The following ICA1L variants were observed in gnomAD, a reference collection of about 807,000 sequenced individuals.
ICA1L encodes islet cell autoantigen 1 like, also known as islet cell autoantigen 1-like protein.
ICA1L carries 50 observed loss-of-function variants against 61.3 expected under a neutral mutation model. The ratio of observed to expected loss-of-function variants is 0.82; its 90% CI spans 0.65 to 1.03. The LOEUF (loss-of-function observed/expected upper bound fraction) is 1.03. Ranked by LOEUF, ICA1L falls within the 50% of genes least tolerant of loss-of-function variation. The pLI is 0.00. For synonymous variants in ICA1L, 161 were observed against 191.3 expected, an observed-to-expected ratio of 0.84 and a Z score of 1.31; for missense variants, 508 against 556.7, an observed-to-expected ratio of 0.91 and a Z score of 0.88.
chr2:202,802,606 A>G (rs1559132416), intron 9 of ICA1L, among the ~76,000 whole-genome samples: 1 of 152,164 alleles, frequency 6.6e-6, no homozygotes, highest in Non-Finnish European at 1.5e-5. Flanking sequence ...GGCCAGATAC[A>G]GAAATTGAAT....
intron 5 of ICA1L, among the ~76,000 whole-genome samples, chr2:202,817,898 G>A (rs963612899): frequency 3.9e-5 from 6 of 152,148 alleles, no homozygotes; most frequent in South Asian, 4.1e-4. Context: ...AGGGGACCTC[G>A]TTAAAGCACT....
chr2:202,827,408 A>G (rs1385318270), intron 2 of ICA1L, among the ~76,000 whole-genome samples: 2 of 152,112 alleles, frequency 1.3e-5, no homozygotes, highest in Admixed American at 6.6e-5. Context: ...AAAAAAATAC[A>G]GAAAAGATAG....
intron 1 of ICA1L, among the ~76,000 whole-genome samples, chr2:202,867,000 AATG>A: frequency 6.6e-6 from 1 of 152,326 alleles, no homozygotes; most frequent in South Asian, 2.1e-4. Context: ...TGGGGCAGAC[AATG>A]ATTTCTTAGA....
chr2:202,786,192 G>A (rs1174723502), intron 11 of ICA1L, among the ~76,000 whole-genome samples, 185 bp from the exon 12 acceptor site: 2 of 152,224 alleles, frequency 1.3e-5, no homozygotes, highest in Non-Finnish European at 2.9e-5. Flanking sequence ...TTCAGATAGA[G>A]TTGGATCCGA....
Position 202,811,501 on chromosome 2 carries a change from T to C in ICA1L, c.910+245A>G, listed in dbSNP as rs561913074. On this transcript the variant is annotated intron_variant, in intron 9 of 12. Transcript: ENST00000358299. ...AGTGAAACCCTGTCTCTACTAAAAATACAAAAAAAAATTAGCTGGGCATGG... is the reference window on the plus strand; with the variant it reads ...AGTGAAACCCTGTCTCTACTAAAAACACAAAAAAAAATTAGCTGGGCATGG... 7.3e-5 allele frequency among the ~76,000 whole-genome samples: 11 copies of C among 150,560 alleles called. No homozygotes were observed. In the South Asian group the frequency reaches 2.1e-3, roughly 29 times the overall value.
At chr2:202,838,959 CTT>C (rs1694233579) in intron 1 of ICA1L, among the ~76,000 whole-genome samples, 1 of 152,250 alleles carries the variant, frequency 6.6e-6, no homozygotes, top group South Asian at 2.1e-4. Context: ...TGAGGACTCA[CTT>C]ATCACCATGG....
intron 3 of ICA1L, among the ~76,000 whole-genome samples, chr2:202,823,412 G>C (rs1045232228): frequency 6.6e-6 from 1 of 152,066 alleles, no homozygotes; most frequent in Non-Finnish European, 1.5e-5. Context: ...TCCTTATTCT[G>C]AAATGCTCCA....
At chr2:202,829,770 T>G (rs1296159640) in intron 1 of ICA1L, among the ~76,000 whole-genome samples, 1 of 152,188 alleles carries the variant, frequency 6.6e-6, no homozygotes, top group African/African-American at 2.4e-5. Flanking sequence ...TGCAGTTATG[T>G]CTAGAAAAAA....
At chr2:202,786,817 G>T in intron 11 of ICA1L, 5 of 436,778 alleles carry the variant, frequency 1.1e-5, no homozygotes, top group South Asian at 8.3e-5. Context: ...AAGGAATCAG[G>T]TAGATTATGT....
intron 12 of ICA1L, among the ~76,000 whole-genome samples, chr2:202,783,865 C>T (rs1692491156): frequency 6.7e-6 from 1 of 148,554 alleles, no homozygotes; most frequent in South Asian, 2.1e-4. Flanking sequence ...GCTACTTAAA[C>T]TATTTATTTC....
At chr2:202,844,418 A>C (rs1193915576) in intron 1 of ICA1L, 1 of 152,154 alleles carries the variant, frequency 6.6e-6, no homozygotes, top group Non-Finnish European at 1.5e-5. Context: ...AAAAAATAAA[A>C]AATAAACAAA....
At chr2:202,795,280 C>T (rs1445076824) in intron 10 of ICA1L, among the ~76,000 whole-genome samples, 1 of 151,196 alleles carries the variant, frequency 6.6e-6, no homozygotes, top group Non-Finnish European at 1.5e-5. Context: ...CGTGAGCCAC[C>T]GCGCCCGGCC....
intron 1 of ICA1L, among the ~76,000 whole-genome samples, chr2:202,843,147 C>T (rs1694375425): frequency 6.6e-6 from 1 of 152,106 alleles, no homozygotes; most frequent in African/African-American, 2.4e-5. Context: ...TCTTTGGGGT[C>T]AGCTACTGGG....
intron 11 of ICA1L, among the ~76,000 whole-genome samples, chr2:202,788,343 C>T (rs1010624249): frequency 1.4e-4 from 22 of 152,086 alleles, no homozygotes. Flanking sequence ...ACAGAACTGA[C>T]AGGATTTGGT....
chr2:202,800,672 A>G (rs1303245431), intron 9 of ICA1L, among the ~76,000 whole-genome samples: 11 of 152,228 alleles, frequency 7.2e-5, no homozygotes, highest in Admixed American at 7.2e-4. Flanking sequence ...TCTCCTACAT[A>G]CAAGGGTGGA....
intron 12 of ICA1L, among the ~76,000 whole-genome samples, 177 bp from the exon 13 acceptor site, chr2:202,779,825 G>A (rs957827009): frequency 3.5e-5 from 5 of 143,570 alleles, no homozygotes; most frequent in African/African-American, 1.3e-4. Flanking sequence ...TTTGTTTTCG[G>A]TAGAGACTGG....
intron 1 of ICA1L, chr2:202,841,866 T>G (rs1262217486): frequency 3.7e-6 from 1 of 271,956 alleles, no homozygotes; most frequent in Non-Finnish European, 7.2e-6. Context: ...GTCTATTTTT[T>G]TTTTTTTTTT....
At chr2:202,818,212 G>A (rs1219074019) in intron 5 of ICA1L, among the ~76,000 whole-genome samples, 1 of 152,188 alleles carries the variant, frequency 6.6e-6, no homozygotes, top group African/African-American at 2.4e-5. Flanking sequence ...AAACAGAAAT[G>A]AGTGAAGGAT....
intron 1 of ICA1L, among the ~76,000 whole-genome samples, chr2:202,839,056 T>C (rs1342039644): frequency 1.3e-5 from 2 of 152,192 alleles, no homozygotes; most frequent in African/African-American, 4.8e-5. Flanking sequence ...GGAAGTCATA[T>C]TTCAACATCA....
Sources: allele counts gnomAD v4.1 joint callset (sites outside exome capture counted in the v4.1 genomes callset), GRCh38; gene constraint gnomAD v4.1.1; transcripts MANE v1.5; gene names NCBI Gene and HGNC (gene_info 2026-07-23, HGNC 2026-07-21).